The following LRIG1 variants were observed in gnomAD, a reference collection of about 807,000 sequenced individuals.
LRIG1 encodes the protein leucine-rich repeats and immunoglobulin-like domains protein 1.
A neutral mutation model predicts 99.2 loss-of-function variants in LRIG1; 48 were observed. That is an observed-to-expected ratio of 0.48 (90% CI 0.38 to 0.62). The LOEUF is 0.62. Among genes scored for constraint, LRIG1 ranks in the 20% least tolerant of loss-of-function variants. The probability of loss-of-function intolerance (pLI) is 0.00; values close to 1 mark genes in which losing one functional copy is unlikely to be tolerated. For missense variants in LRIG1, 1,646 were observed against 1,434.4 expected (o/e 1.15, Z -2.38); for synonymous variants, 772 against 596.1 (o/e 1.29, Z -4.30).
chr3:66,434,755 T>TA (rs71616222), intron 3 of LRIG1, among the ~76,000 whole-genome samples: 12,814 of 100,158 alleles, frequency 0.13, 1,047 homozygotes, highest in African/African-American at 0.25. Context: ...TCAAAAAAAT[T>TA]AAAAAAAAAA....
At chr3:66,457,593 T>G (rs1700259136) in intron 2 of LRIG1, among the ~76,000 whole-genome samples, 1 of 152,212 alleles carries the variant, frequency 6.6e-6, no homozygotes, top group Non-Finnish European at 1.5e-5. Flanking sequence ...CAAGGCCCTG[T>G]GCATCATCTT....
chr3:66,478,654 T>G (rs1292800575), intron 1 of LRIG1, among the ~76,000 whole-genome samples: 3 of 152,174 alleles, frequency 2.0e-5, no homozygotes, highest in Non-Finnish European at 4.4e-5. Context: ...CATGTCATTA[T>G]TATCTCACTT....
At chr3:66,386,467 TG>T in intron 12 of LRIG1, 166 bp from the exon 13 acceptor site, 1 of 621,126 alleles carries the variant, frequency 1.6e-6, no homozygotes, top group South Asian at 1.9e-5. Context: ...AGTTGCACCA[TG>T]GACATCTGAC....
At chr3:66,415,570 C>T (rs1354437422) in intron 4 of LRIG1, among the ~76,000 whole-genome samples, 1 of 152,202 alleles carries the variant, frequency 6.6e-6, no homozygotes, top group Non-Finnish European at 1.5e-5. Context: ...CAATTCATTT[C>T]TGTAATTGTA....
intron 3 of LRIG1, among the ~76,000 whole-genome samples, chr3:66,445,805 G>A (rs1703696756): frequency 6.6e-6 from 1 of 152,182 alleles, no homozygotes; most frequent in South Asian, 2.1e-4. Flanking sequence ...TGGAGAATAA[G>A]TCTGCCCATC....
chr3:66,429,514 G>A (rs1231641679), intron 3 of LRIG1, among the ~76,000 whole-genome samples: 2 of 152,226 alleles, frequency 1.3e-5, no homozygotes, highest in African/African-American at 4.8e-5. Flanking sequence ...GACATTCTGA[G>A]AAAGGCAAAA....
At chr3:66,385,874 G>T in intron 13 of LRIG1, 107 bp downstream of exon 13, 1 of 1,028,112 alleles carries the variant, frequency 9.7e-7, no homozygotes. Context: ...CCCCACAGAA[G>T]CATGTGTGTG....
chr3:66,480,430 A>G (rs944953175), intron 1 of LRIG1, among the ~76,000 whole-genome samples: 2 of 152,014 alleles, frequency 1.3e-5, no homozygotes. Context: ...ATTGAAAAGG[A>G]TGAGTTTTGT....
chr3:66,380,982 G>T, intron 17 of LRIG1, 121 bp from the exon 18 acceptor site: 2 of 951,170 alleles, frequency 2.1e-6, no homozygotes, highest in Non-Finnish European at 3.1e-6. Flanking sequence ...AACACTGTAT[G>T]CATGCTTCCT....
chr3:66,491,814 T>C (rs1701107216), intron 1 of LRIG1, among the ~76,000 whole-genome samples: 1 of 152,190 alleles, frequency 6.6e-6, no homozygotes, highest in Admixed American at 6.5e-5. Flanking sequence ...TTGTTGAAGA[T>C]GGGTGACAGA....
At chr3:66,385,625 G>C (rs1199279109) in intron 13 of LRIG1, among the ~76,000 whole-genome samples, 1 of 151,984 alleles carries the variant, frequency 6.6e-6, no homozygotes, top group African/African-American at 2.4e-5. Flanking sequence ...GCTAATTTTT[G>C]TATTTTTAGT....
In LRIG1 at chr3:66,500,816, G is replaced by A. The variant is rs1395567419; in HGVS notation, c.-409C>T. ...CCGCAGCCCGAGCTCGGTGCCGGCA[G>A]GCATCTTCCTCTGGGCTCGGAGCGC... On this transcript the variant is annotated 5_prime_UTR_variant, in exon 1 of 19. Transcript: ENST00000273261. The A allele has an allele frequency of 6.5e-6, 1 of 154,276 alleles. No homozygotes were observed. Among genetic ancestry groups the A allele is most frequent in the African/African-American group, 2.4e-5 (1 of 41,528 alleles). The allele number at this position is 154,276 out of a possible 1,614,324, so 9.6% of individuals were successfully genotyped here.
At position 66,385,153 on chromosome 3, in the gene LRIG1, C is replaced by A. The variant is rs114242858; in HGVS notation, c.1789+828G>T. On this transcript the variant is annotated intron_variant, in intron 13 of 18. Coordinates refer to ENST00000273261, the MANE Select transcript of LRIG1 (RefSeq NM_015541.3). ...CTTCAAGCTATCTACTCCCCACCCC[C>A]CTCCTCCAAACACACAATAACACAT... is the stretch of plus-strand genomic sequence containing the variant. 5.3e-4 allele frequency among the ~76,000 whole-genome samples: 81 copies of A among 152,266 alleles called. 1 individual carries two copies. Among genetic ancestry groups the A allele is most frequent in the African/African-American group, 1.7e-3 (71 of 41,550 alleles).
intron 10 of LRIG1, 57 bp downstream of exon 10, chr3:66,398,912 TC>T: frequency 1.4e-6 from 2 of 1,442,940 alleles, no homozygotes; most frequent in Non-Finnish European, 9.7e-7. Flanking sequence ...CTAGCAGAAC[TC>T]CCCGGCAGCC....
intron 3 of LRIG1, among the ~76,000 whole-genome samples, chr3:66,424,354 C>CTAA (rs1702911479): frequency 6.6e-6 from 1 of 151,984 alleles, no homozygotes; most frequent in Non-Finnish European, 1.5e-5. Context: ...CTCTAGGTCT[C>CTAA]CCCCCCATGA....
chr3:66,479,495 C>T (rs1021824047), intron 1 of LRIG1, among the ~76,000 whole-genome samples: 4 of 152,178 alleles, frequency 2.6e-5, no homozygotes, highest in African/African-American at 4.8e-5. Context: ...AAACTCTTCT[C>T]GCCTGAGGAA....
At chr3:66,485,821 A>G (rs1325185429) in intron 1 of LRIG1, among the ~76,000 whole-genome samples, 2 of 152,178 alleles carry the variant, frequency 1.3e-5, no homozygotes, top group Non-Finnish European at 2.9e-5. Flanking sequence ...CCAACAAAGA[A>G]ACACGCTCTT....
At chr3:66,386,505 C>CTTTTA in intron 12 of LRIG1, 1 of 575,316 alleles carries the variant, frequency 1.7e-6, no homozygotes, top group Admixed American at 3.1e-5. Flanking sequence ...TCTGTGAGTA[C>CTTTTA]TGATCACCTT....
chr3:66,434,755 TAAAA>T (rs71616222), intron 3 of LRIG1, among the ~76,000 whole-genome samples: 2 of 100,264 alleles, frequency 2.0e-5, no homozygotes, highest in Non-Finnish European at 4.7e-5. Flanking sequence ...TCAAAAAAAT[TAAAA>T]AAAAAAAAAA....
Sources: gnomAD v4.1 joint callset for allele counts (sites outside exome capture counted in the v4.1 genomes callset) on GRCh38, gnomAD v4.1.1 for gene constraint, MANE v1.5 for transcripts, NCBI Gene and HGNC (gene_info 2026-07-23, HGNC 2026-07-21) for gene names.